The following GPC5 variants were observed in gnomAD, a reference collection of about 807,000 sequenced individuals.
GPC5 encodes glypican-5.
GPC5 carries 47 observed loss-of-function variants against 53.9 expected under a neutral mutation model. The ratio of observed to expected loss-of-function variants is 0.87; its 90% confidence interval spans 0.69 to 1.11. The LOEUF is 1.11. Ranked by LOEUF, GPC5 falls within the 50% of genes most tolerant of loss-of-function variation. GPC5 has a pLI of 0.00. For missense variants in GPC5, 748 were observed against 713.1 expected, an observed-to-expected ratio of 1.05 and a Z score of -0.56; for synonymous variants, 286 against 263.3, an observed-to-expected ratio of 1.09 and a Z score of -0.84.
intron 7 of GPC5, among the ~76,000 whole-genome samples, chr13:92,451,665 A>G (rs542810918): frequency 1.6e-4 from 24 of 152,346 alleles, no homozygotes; most frequent in Non-Finnish European, 8.8e-5. Context: ...AGTCAATAAT[A>G]AAAGTCACTA....
At chr13:91,499,108 G>A (rs1884477873) in intron 2 of GPC5, among the ~76,000 whole-genome samples, 1 of 152,168 alleles carries the variant, frequency 6.6e-6, no homozygotes, top group East Asian at 1.9e-4. Flanking sequence ...GTAGAGTTGG[G>A]TGGACAAGGA....
At chr13:91,987,777 T>C (rs1363973773) in intron 6 of GPC5, among the ~76,000 whole-genome samples, 1 of 145,596 alleles carries the variant, frequency 6.9e-6, no homozygotes, top group Non-Finnish European at 1.5e-5. Flanking sequence ...TAATACTATT[T>C]ATATATATAG....
chr13:91,639,726 A>T (rs1002272410), intron 2 of GPC5, among the ~76,000 whole-genome samples: 1 of 152,212 alleles, frequency 6.6e-6, no homozygotes, highest in Non-Finnish European at 1.5e-5. Context: ...CTCTAGCAAC[A>T]TATTATGCAT....
intron 6 of GPC5, among the ~76,000 whole-genome samples, chr13:91,999,893 G>A (rs1354068218): frequency 6.6e-6 from 1 of 152,102 alleles, no homozygotes; most frequent in Non-Finnish European, 1.5e-5. Flanking sequence ...ATTTTAAGGA[G>A]TTACTTTGAA....
intron 1 of GPC5, among the ~76,000 whole-genome samples, chr13:91,416,698 G>T (rs1594059383): frequency 6.6e-6 from 1 of 151,914 alleles, no homozygotes; most frequent in South Asian, 2.1e-4. Context: ...GAGAACATAC[G>T]GTGTTTGGTT....
chr13:91,831,054 C>A (rs2038651790), intron 5 of GPC5, among the ~76,000 whole-genome samples: 2 of 131,908 alleles, frequency 1.5e-5, no homozygotes, highest in Non-Finnish European at 3.1e-5. Flanking sequence ...TATATATATC[C>A]TATTTATATA....
At chr13:92,723,078 C>G (rs996384672) in intron 7 of GPC5, among the ~76,000 whole-genome samples, 1 of 151,502 alleles carries the variant, frequency 6.6e-6, no homozygotes, top group Non-Finnish European at 1.5e-5. Context: ...AATAATATAG[C>G]CTTGAGGATA....
Position 92,522,789 on chromosome 13 carries a change from A to G in GPC5, c.1562-343493A>G, listed in dbSNP as rs189147859. 8.5e-5 allele frequency among the ~76,000 whole-genome samples: 13 copies of G among 152,276 alleles called. No homozygotes were observed. In the East Asian group the frequency reaches 2.3e-3, roughly 27 times the overall value. ...TAATAAAAAATAGTTGAAAATAAAAAGAAAATAGATGTTTCTAACACATCT... is the reference window on the plus strand; with the variant it reads ...TAATAAAAAATAGTTGAAAATAAAAGGAAAATAGATGTTTCTAACACATCT... On this transcript the variant is annotated intron_variant, in intron 7 of 7. Coordinates refer to ENST00000377067, the MANE Select transcript of GPC5 (RefSeq NM_004466.6).
At chr13:91,787,753 G>A (rs1253933492) in intron 5 of GPC5, among the ~76,000 whole-genome samples, 1 of 152,158 alleles carries the variant, frequency 6.6e-6, no homozygotes, top group Non-Finnish European at 1.5e-5. Flanking sequence ...GTATATTTAT[G>A]TAAAATTATG....
chr13:91,753,405 A>C (rs535385015), intron 4 of GPC5, among the ~76,000 whole-genome samples: 1 of 152,254 alleles, frequency 6.6e-6, no homozygotes, highest in African/African-American at 2.4e-5. Flanking sequence ...TGTGTGTGTT[A>C]TCTTAACACT....
chr13:91,567,531 G>A (rs1027431039), intron 2 of GPC5, among the ~76,000 whole-genome samples: 2 of 152,124 alleles, frequency 1.3e-5, no homozygotes, highest in African/African-American at 4.8e-5. Context: ...GCTCAGGAGA[G>A]GTTTTTTAAT....
intron 7 of GPC5, among the ~76,000 whole-genome samples, chr13:92,662,330 T>G (rs1230410217): frequency 6.6e-6 from 1 of 152,234 alleles, no homozygotes; most frequent in Non-Finnish European, 1.5e-5. Context: ...CCTTGCATAC[T>G]GCTACTTCCA....
chr13:92,833,441 G>T (rs560281358), intron 7 of GPC5, among the ~76,000 whole-genome samples: 2 of 152,130 alleles, frequency 1.3e-5, no homozygotes, highest in Non-Finnish European at 2.9e-5. Flanking sequence ...CTGTGGAATA[G>T]ATTTTAGAAA....
At chr13:91,723,916 C>T (rs545658058) in intron 3 of GPC5, among the ~76,000 whole-genome samples, 21 of 152,292 alleles carry the variant, frequency 1.4e-4, no homozygotes, top group African/African-American at 4.1e-4. Context: ...TACTACCTTC[C>T]TAAATTTGTT....
At chr13:91,891,312 T>C (rs990116163) in intron 5 of GPC5, among the ~76,000 whole-genome samples, 2 of 152,200 alleles carry the variant, frequency 1.3e-5, no homozygotes, top group African/African-American at 4.8e-5. Context: ...ATGTGCTGTC[T>C]TAATGTTCCT....
At chr13:92,125,981 G>A (rs1389014819) in intron 6 of GPC5, among the ~76,000 whole-genome samples, 2 of 102,522 alleles carry the variant, frequency 2.0e-5, no homozygotes, top group African/African-American at 9.4e-5. Flanking sequence ...TTTGAGATGA[G>A]TCTCACTTTG....
chr13:92,393,847 AC>A (rs2139327182), intron 7 of GPC5, among the ~76,000 whole-genome samples: 1 of 152,318 alleles, frequency 6.6e-6, no homozygotes, highest in South Asian at 2.1e-4. Flanking sequence ...TTTCACATGT[AC>A]ACCGAAACCT....
chr13:92,100,511 G>T (rs1290474655), intron 6 of GPC5, among the ~76,000 whole-genome samples: 1 of 152,100 alleles, frequency 6.6e-6, no homozygotes, highest in Non-Finnish European at 1.5e-5. Flanking sequence ...TGTTAAAATC[G>T]AAACTAAAAA....
intron 7 of GPC5, among the ~76,000 whole-genome samples, chr13:92,355,723 G>A (rs1455229659): frequency 6.6e-6 from 1 of 151,928 alleles, no homozygotes; most frequent in Non-Finnish European, 1.5e-5. Context: ...TCCACTGCAT[G>A]GGCATATGTT....
Sources: allele counts gnomAD v4.1 joint callset (sites outside exome capture counted in the v4.1 genomes callset), GRCh38; gene constraint gnomAD v4.1.1; transcripts MANE v1.5; gene names NCBI Gene and HGNC (gene_info 2026-07-23, HGNC 2026-07-21).